Variants in EYS observed in about 807,000 individuals in gnomAD.
EYS encodes EGF-like photoreceptor maintenance factor.
In EYS, 250 loss-of-function variants were observed where a neutral mutation model predicts 282.1. That is an observed-to-expected ratio of 0.89 (90% CI 0.80 to 0.98). The LOEUF (loss-of-function observed/expected upper bound fraction) is 0.98, where lower values mean the gene tolerates loss of function less well. EYS is among the 50% of genes least tolerant of loss of function. The probability of loss-of-function intolerance (pLI) is 0.00; values close to 1 mark genes in which losing one functional copy is unlikely to be tolerated. For synonymous variants in EYS, 1,355 were observed against 1,282.9 expected (o/e 1.06, Z -1.20); for missense variants, 4,016 against 3,709.0 (o/e 1.08, Z -2.15).
chr6:64,224,450 A>G (rs1766197142), intron 31 of EYS, among the ~76,000 whole-genome samples: 1 of 152,058 alleles, frequency 6.6e-6, no homozygotes, highest in Admixed American at 6.6e-5. Context: ...GTTCTCTGCC[A>G]TATGAATCAC....
chr6:64,942,838 A>AAC (rs1562268717), intron 15 of EYS, among the ~76,000 whole-genome samples: 1 of 116,154 alleles, frequency 8.6e-6, no homozygotes, highest in African/African-American at 2.6e-5. Context: ...AAAAAAAAAA[A>AAC]AAAAACAAAA....
chr6:65,127,508 G>A (rs1775753275), intron 12 of EYS, among the ~76,000 whole-genome samples: 6 of 152,064 alleles, frequency 3.9e-5, no homozygotes, highest in Admixed American at 3.9e-4. Flanking sequence ...GTAAACATTT[G>A]CAATGGTTTT....
At chr6:65,687,572 T>A (rs1325288279) in intron 1 of EYS, among the ~76,000 whole-genome samples, 2 of 152,114 alleles carry the variant, frequency 1.3e-5, no homozygotes, top group African/African-American at 4.8e-5. Flanking sequence ...AGTTTGGAAG[T>A]TCTGGCCAGG....
At chr6:64,919,760 C>A (rs1196843367) in intron 15 of EYS, among the ~76,000 whole-genome samples, 1 of 152,020 alleles carries the variant, frequency 6.6e-6, no homozygotes, top group African/African-American at 2.4e-5. Flanking sequence ...GACAACTGGT[C>A]AATAATCTTT....
chr6:63,921,116 T>C (rs1764562877), intron 35 of EYS, among the ~76,000 whole-genome samples: 1 of 152,192 alleles, frequency 6.6e-6, no homozygotes, highest in South Asian at 2.1e-4. Flanking sequence ...CAGGATGGTC[T>C]CACTCTCTTG....
intron 13 of EYS, among the ~76,000 whole-genome samples, chr6:64,998,511 A>AT (rs1336733958): frequency 1.3e-5 from 2 of 152,130 alleles, no homozygotes; most frequent in Non-Finnish European, 2.9e-5. Context: ...TAGCTTCTGG[A>AT]TTTTTGCAGC....
chr6:63,722,624 T>G (rs1035724367), intron 42 of EYS, among the ~76,000 whole-genome samples: 3 of 152,220 alleles, frequency 2.0e-5, no homozygotes, highest in African/African-American at 7.2e-5. Context: ...TTATTAATAA[T>G]GAACCACGCA....
At chr6:63,994,725 G>C (rs1767757375) in intron 34 of EYS, among the ~76,000 whole-genome samples, 1 of 151,884 alleles carries the variant, frequency 6.6e-6, no homozygotes, top group Non-Finnish European at 1.5e-5. Context: ...TATTTTCAAT[G>C]AATCAGTAAG....
intron 12 of EYS, among the ~76,000 whole-genome samples, chr6:65,223,758 T>A (rs841548): frequency 0.022 from 3,279 of 152,178 alleles, 109 homozygotes; most frequent in African/African-American, 0.075. Flanking sequence ...AGCAGACAGA[T>A]GAAAAAGCCT....
At chr6:63,952,885 C>A (rs551788562) in intron 35 of EYS, among the ~76,000 whole-genome samples, 2 of 152,136 alleles carry the variant, frequency 1.3e-5, no homozygotes, top group African/African-American at 4.8e-5. Flanking sequence ...CCACAGCATG[C>A]TTTAAAAGGA....
intron 26 of EYS, among the ~76,000 whole-genome samples, chr6:64,568,751 G>C (rs1765632237): frequency 6.6e-6 from 1 of 152,216 alleles, no homozygotes; most frequent in African/African-American, 2.4e-5. Flanking sequence ...CATCTGGCGG[G>C]TGCCTCTTTA....
chr6:64,285,679 G>A (rs1328013745), intron 30 of EYS, among the ~76,000 whole-genome samples: 2 of 152,156 alleles, frequency 1.3e-5, no homozygotes, highest in African/African-American at 2.4e-5. Flanking sequence ...AAGAAAAAGA[G>A]GTTTAATTGG....
chr6:64,188,549 C>T (rs1266764690), intron 31 of EYS, among the ~76,000 whole-genome samples: 2 of 152,008 alleles, frequency 1.3e-5, no homozygotes, highest in Non-Finnish European at 2.9e-5. Context: ...TTTAATTGGT[C>T]TTGTATTCTT....
At chr6:63,967,394 T>A (rs1766359797) in intron 35 of EYS, among the ~76,000 whole-genome samples, 1 of 152,208 alleles carries the variant, frequency 6.6e-6, no homozygotes, top group Admixed American at 6.5e-5. Flanking sequence ...TGTGTAGAAG[T>A]AGCCTGTGTG....
chr6:64,426,803 A>C (rs1034276629), intron 28 of EYS, among the ~76,000 whole-genome samples: 1 of 152,150 alleles, frequency 6.6e-6, no homozygotes, highest in African/African-American at 2.4e-5. Flanking sequence ...TCATGCCATG[A>C]TTAGCCACAG....
At chr6:64,861,127 G>T (rs965828151) in intron 19 of EYS, among the ~76,000 whole-genome samples, 14 of 152,220 alleles carry the variant, frequency 9.2e-5, no homozygotes, top group Non-Finnish European at 1.6e-4. Flanking sequence ...TTCTGCCACT[G>T]TTCATGGTGT....
intron 33 of EYS, among the ~76,000 whole-genome samples, chr6:64,058,025 T>C (rs1277466823): frequency 6.6e-6 from 1 of 152,164 alleles, no homozygotes; most frequent in Non-Finnish European, 1.5e-5. Flanking sequence ...GGTTTCACCA[T>C]GTTGCCCAGG....
At chr6:64,057,169 T>C (rs1315579724) in intron 33 of EYS, among the ~76,000 whole-genome samples, 1 of 152,188 alleles carries the variant, frequency 6.6e-6, no homozygotes, top group Non-Finnish European at 1.5e-5. Flanking sequence ...GGAACAGGCT[T>C]TCAATTTTAA....
intron 2 of EYS, among the ~76,000 whole-genome samples, chr6:65,514,860 C>T (rs1283676374): frequency 6.6e-6 from 1 of 152,066 alleles, no homozygotes; most frequent in East Asian, 1.9e-4. Context: ...TAGGCATTAC[C>T]ATTTAGGACA....
Sources: allele counts gnomAD v4.1 joint callset (sites outside exome capture counted in the v4.1 genomes callset), GRCh38; gene constraint gnomAD v4.1.1; transcripts MANE v1.5; gene names NCBI Gene and HGNC (gene_info 2026-07-23, HGNC 2026-07-21).